Variants in IQSEC3 observed in about 807,000 individuals in gnomAD.
The protein encoded by IQSEC3 is IQ motif and SEC7 domain-containing protein 3.
IQSEC3 carries 50 observed loss-of-function variants against 105.4 expected under a neutral mutation model. That is an observed-to-expected ratio of 0.47 (90% confidence interval 0.38 to 0.60). The LOEUF (loss-of-function observed/expected upper bound fraction) is 0.60. Among genes scored for constraint, IQSEC3 ranks in the 20% least tolerant of loss-of-function variants. The probability of loss-of-function intolerance (pLI) is 0.00; values close to 1 mark genes in which losing one functional copy is unlikely to be tolerated. For synonymous variants in IQSEC3, 708 were observed against 746.0 expected, an observed-to-expected ratio of 0.95 and a Z score of 0.83; for missense variants, 1,415 against 1,630.0, an observed-to-expected ratio of 0.87 and a Z score of 2.27.
At chr12:148,369 T>C (rs1379704791) in intron 5 of IQSEC3, 3 of 152,182 alleles carry the variant, frequency 2.0e-5, no homozygotes, top group Non-Finnish European at 4.4e-5. Flanking sequence ...ATCACTCAGT[T>C]TGAGACCCAC....
intron 1 of IQSEC3, among the ~76,000 whole-genome samples, chr12:74,412 A>C (rs1258941764): frequency 1.3e-5 from 2 of 152,256 alleles, no homozygotes; most frequent in Non-Finnish European, 2.9e-5. Context: ...ATTCTCTCCC[A>C]GGGTGTTTGT....
At chr12:153,137 G>A (rs1305369617) in intron 5 of IQSEC3, among the ~76,000 whole-genome samples, 1 of 152,036 alleles carries the variant, frequency 6.6e-6, no homozygotes, top group Non-Finnish European at 1.5e-5. Context: ...TTATGCTCAG[G>A]GAGTGAACAG....
At chr12:147,418 G>A (rs1866321882) in intron 5 of IQSEC3, among the ~76,000 whole-genome samples, 1 of 152,172 alleles carries the variant, frequency 6.6e-6, no homozygotes, top group Admixed American at 6.5e-5. Context: ...ACCCAATGAA[G>A]GCACTGAGGA....
At chr12:112,220 A>G (rs1555079703) in intron 2 of IQSEC3, among the ~76,000 whole-genome samples, 1 of 130,670 alleles carries the variant, frequency 7.7e-6, no homozygotes, top group Non-Finnish European at 1.5e-5. Flanking sequence ...AAAATGAACT[A>G]TTTTGTAGGC....
At chr12:137,195 A>T (rs913814682) in intron 3 of IQSEC3, among the ~76,000 whole-genome samples, 1 of 152,150 alleles carries the variant, frequency 6.6e-6, no homozygotes, top group Non-Finnish European at 1.5e-5. Flanking sequence ...TGAGCAGCTA[A>T]CTATGTACTG....
intron 1 of IQSEC3, among the ~76,000 whole-genome samples, chr12:79,817 G>A (rs893817451): frequency 4.6e-5 from 7 of 151,956 alleles, no homozygotes; most frequent in Non-Finnish European, 7.4e-5. Flanking sequence ...ATTCCTGCCC[G>A]CCCCCACACC....
intron 2 of IQSEC3, among the ~76,000 whole-genome samples, chr12:109,086 C>T (rs7135974): frequency 0.7 from 107,222 of 152,240 alleles, 38,718 homozygotes; most frequent in African/African-American, 0.77. Context: ...CCCCAGCACG[C>T]GCTCTCTCTA....
intron 3 of IQSEC3, among the ~76,000 whole-genome samples, chr12:126,572 T>TGTGTGC (rs1260117695): frequency 1.3e-4 from 20 of 151,384 alleles, no homozygotes; most frequent in African/African-American, 2.9e-4. Context: ...TGTGTGTGTG[T>TGTGTGC]GCGCTTAGAG....
chr12:162,661 G>A (rs1413720253), intron 8 of IQSEC3, among the ~76,000 whole-genome samples: 1 of 152,176 alleles, frequency 6.6e-6, no homozygotes, highest in Non-Finnish European at 1.5e-5. Context: ...GCCCTGCACT[G>A]GGCTCCCTCC....
At chr12:142,981 TGTC>T (rs1866095194) in intron 5 of IQSEC3, among the ~76,000 whole-genome samples, 1 of 152,174 alleles carries the variant, frequency 6.6e-6, no homozygotes, top group Non-Finnish European at 1.5e-5. Flanking sequence ...CCCTGACTGT[TGTC>T]TGTTTTCTTC....
chr12:117,816 G>T (rs1031329633), intron 2 of IQSEC3, among the ~76,000 whole-genome samples: 6 of 152,242 alleles, frequency 3.9e-5, no homozygotes, highest in African/African-American at 1.2e-4. Context: ...CTCTGGAAGT[G>T]GAAGAGAGCC....
chr12:168,966 G>C, intron 11 of IQSEC3, 47 bp from the exon 12 acceptor site: 1 of 1,512,012 alleles, frequency 6.6e-7, no homozygotes, highest in Non-Finnish European at 9.2e-7. Context: ...GCCTCTGTGT[G>C]GTTGAGGTTA....
intron 2 of IQSEC3, among the ~76,000 whole-genome samples, chr12:108,091 T>TCCCTAACCCTAA (rs376120802): frequency 8.5e-5 from 13 of 152,214 alleles, no homozygotes; most frequent in African/African-American, 2.7e-4. Context: ...ACAAGCCTGT[T>TCCCTAACCCTAA]CCCTAACCCT....
At chr12:107,689 C>T (rs543751874) in intron 2 of IQSEC3, among the ~76,000 whole-genome samples, 6 of 152,084 alleles carry the variant, frequency 3.9e-5, no homozygotes, top group Non-Finnish European at 5.9e-5. Context: ...GGATTACAGG[C>T]GTGAGCCACC....
At position 152,771 on chromosome 12, in the gene IQSEC3, T is replaced by A. The variant is rs141443544; in HGVS notation, c.2154-4254T>A. Among the ~76,000 whole-genome samples, 1 of 152,268 alleles carries A rather than the reference T, an allele frequency of 6.6e-6. No individual in the cohort carries two copies. Among genetic ancestry groups the A allele is most frequent in the Non-Finnish European group, 1.5e-5 (1 of 68,006 alleles). On this transcript the variant is annotated intron_variant, in intron 5 of 13. Coordinates refer to ENST00000538872, the MANE Select transcript of IQSEC3 (RefSeq NM_001170738.2). The surrounding 1 kb of genome is among the most constrained non-coding windows in gnomAD (Gnocchi z 4.8). ...GAGAGGCCTCACAAGATTAGGAAGC[T>A]GAAAGCCTGCTCTCCCTAGCTGTGG...
At chr12:100,754 C>T (rs1694505001) in intron 2 of IQSEC3, among the ~76,000 whole-genome samples, 1 of 152,102 alleles carries the variant, frequency 6.6e-6, no homozygotes, top group African/African-American at 2.4e-5. Context: ...TGCAGTGGGA[C>T]ATCAGGATAC....
intron 2 of IQSEC3, among the ~76,000 whole-genome samples, chr12:124,417 GAA>G (rs1185960793): frequency 6.7e-6 from 1 of 148,786 alleles, no homozygotes; most frequent in African/African-American, 2.5e-5. Flanking sequence ...AAAAGAAAAA[GAA>G]AGTTTATTTA....
intron 2 of IQSEC3, among the ~76,000 whole-genome samples, chr12:117,289 T>C (rs1865078765): frequency 2.6e-5 from 4 of 152,164 alleles, no homozygotes; most frequent in Admixed American, 2.6e-4. Context: ...TGTGAAACTG[T>C]GTGTCATGTG....
At chr12:170,648 G>C (rs536661747) in intron 12 of IQSEC3, among the ~76,000 whole-genome samples, 1 of 152,306 alleles carries the variant, frequency 6.6e-6, no homozygotes, top group East Asian at 1.9e-4. Flanking sequence ...AGCAGTTATC[G>C]GCTCTCACCG....
Sources: allele counts gnomAD v4.1 joint callset (sites outside exome capture counted in the v4.1 genomes callset), GRCh38; gene constraint gnomAD v4.1.1; non-coding constraint Gnocchi (gnomAD v3.1); transcripts MANE v1.5; gene names NCBI Gene and HGNC (gene_info 2026-07-23, HGNC 2026-07-21).